Variants in MYH7B observed in about 807,000 individuals in gnomAD.
The protein encoded by MYH7B is myosin heavy chain 7B.
A neutral mutation model predicts 234.5 loss-of-function variants in MYH7B; 205 were observed. The observed-to-expected ratio is 0.87, with a 90% confidence interval of 0.78 to 0.98. The LOEUF (loss-of-function observed/expected upper bound fraction) is 0.98, where lower values mean the gene tolerates loss of function less well. Ranked by LOEUF, MYH7B falls within the 50% of genes least tolerant of loss-of-function variation. The pLI is 0.00. For missense variants in MYH7B, 2,652 were observed against 2,633.4 expected (o/e 1.01, Z -0.15); for synonymous variants, 1,193 against 1,105.0 (o/e 1.08, Z -1.58).
intron 22 of MYH7B, 193 bp downstream of exon 22, chr20:34,990,503 G>A (rs2082124714): frequency 3.5e-6 from 3 of 866,474 alleles, no homozygotes; most frequent in African/African-American, 1.6e-5. Context: ...AGGGTTTGTG[G>A]GGAAGGGGTG....
chr20:34,990,239 C>T (rs747000439), exon 22 of MYH7B: 20 of 1,614,078 alleles, frequency 1.2e-5, no homozygotes, highest in Non-Finnish European at 1.7e-5. Flanking sequence ...ATTAGCTGAG[C>T]CCCCCAAGTC....
intron 28 of MYH7B, among the ~76,000 whole-genome samples, chr20:34,995,996 A>G (rs1048620997): frequency 3.9e-5 from 6 of 152,164 alleles, no homozygotes; most frequent in African/African-American, 1.4e-4. Flanking sequence ...CACAGGAGGG[A>G]AAGTGAGGCA....
intron 10 of MYH7B, 67 bp from the exon 11 acceptor site, chr20:34,984,625 C>T (rs1424338057): frequency 1.4e-6 from 2 of 1,456,004 alleles, no homozygotes; most frequent in African/African-American, 2.8e-5. Flanking sequence ...CCGCTGATAC[C>T]CTGCCCCACC....
At chr20:35,000,486 G>C in exon 39 of MYH7B, 4 of 1,600,952 alleles carry the variant, frequency 2.5e-6, no homozygotes, top group Non-Finnish European at 3.4e-6. Context: ...ACAGCTCAAG[G>C]AGGAGCAGGC....
rs185245424 is a variant in MYH7B at position 34,962,895 on chromosome 20, C to G, written c.-222+4683C>G. Among the ~76,000 whole-genome samples the G allele has an allele frequency of 2.6e-5, 4 of 152,284 alleles. No individual in the cohort carries two copies. The East Asian group carries it at 7.7e-4, about 29-fold the overall frequency. On this transcript the variant is annotated intron_variant, in intron 2 of 44. Coordinates refer to ENST00000262873, the Ensembl canonical transcript of MYH7B. The stretch of plus-strand genomic sequence containing the variant: ...GGCAGATCACCTGAGGTCAGGAGTT[C>G]GAGACCAGCCTGGCCAACATGGCGA...
chr20:35,000,659 C>T (rs1470245807), exon 39 of MYH7B: 2 of 1,585,050 alleles, frequency 1.3e-6, no homozygotes, highest in African/African-American at 1.3e-5. Context: ...TTTTGGAGGC[C>T]ACCGAGCGCC....
At chr20:34,999,750 TCC>T (rs61644803) in intron 37 of MYH7B, 39 bp from the exon 38 acceptor site, 632,421 of 1,317,356 alleles carry the variant, frequency 0.48, 123,527 homozygotes, top group Admixed American at 0.7. Flanking sequence ...CCACTGGCCA[TCC>T]CCCCCCCCCA....
chr20:34,966,281 C>T (rs1600406531), intron 2 of MYH7B, among the ~76,000 whole-genome samples: 1 of 152,198 alleles, frequency 6.6e-6, no homozygotes, highest in African/African-American at 2.4e-5. Context: ...CGCATCCATA[C>T]ATACCATGAG....
At chr20:34,998,831 C>T (rs1227031575) in exon 35 of MYH7B, 1 of 1,613,058 alleles carries the variant, frequency 6.2e-7, no homozygotes, top group East Asian at 2.2e-5. Flanking sequence ...CGGCTGCTGT[C>T]CAAGGCCAAT....
chr20:34,969,630 C>T (rs992723581), intron 2 of MYH7B, among the ~76,000 whole-genome samples: 4 of 151,268 alleles, frequency 2.6e-5, no homozygotes, highest in South Asian at 4.2e-4. Context: ...CTGCAACCTC[C>T]GTCTCCTGGG....
rs1411355111 is a variant in MYH7B, at chr20:35,002,185, G to C, written c.5823G>C (p.Glu1941Asp). ...TATCCCTTTCTCCTCAGCACAAGGA[G>C]TGACGGCCTGACCCCCTGGGCTCTA... is the stretch of plus-strand genomic sequence containing the variant. The change falls in exon 45 of 45, where the codon GAG becomes GAC. Residue 1941 changes from glutamate (E) to aspartate (D), a missense_variant. Glu to Asp is a conservative substitution (Grantham distance 45). Coordinates refer to ENST00000262873, the Ensembl canonical transcript of MYH7B. 1.9e-6 allele frequency: 3 copies of C among 1,545,330 alleles called. No individual in the cohort carries two copies. In the Admixed American group the frequency reaches 5.5e-5, roughly 28 times the overall value.
chr20:34,992,969 C>G, intron 24 of MYH7B, 133 bp from the exon 25 acceptor site: 1 of 1,152,388 alleles, frequency 8.7e-7, no homozygotes, highest in Non-Finnish European at 1.2e-6. Context: ...AACCTCTGCA[C>G]CAGCCTCGGA....
At chr20:34,983,368 AGTTTT>A (rs71852403) in intron 10 of MYH7B, among the ~76,000 whole-genome samples, 56,417 of 118,526 alleles carry the variant, frequency 0.48, 12,019 homozygotes, top group Admixed American at 0.62. Context: ...TTTTCATTTC[AGTTTT>A]GTTTTGTTTT....
At chr20:34,969,084 C>T (rs2081769217) in intron 2 of MYH7B, among the ~76,000 whole-genome samples, 1 of 152,150 alleles carries the variant, frequency 6.6e-6, no homozygotes, top group African/African-American at 2.4e-5. Flanking sequence ...CCTCCTGGCT[C>T]ACCATTTGCT....
chr20:34,997,370 G>C, exon 32 of MYH7B: 2 of 1,525,446 alleles, frequency 1.3e-6, no homozygotes, highest in South Asian at 1.2e-5. Context: ...GGCTGGAGGA[G>C]GCAGGCGGCG....
chr20:34,978,120 G>A (rs777389657), intron 5 of MYH7B, 24 bp downstream of exon 5: 8 of 1,613,354 alleles, frequency 5.0e-6, no homozygotes, highest in South Asian at 1.1e-5. Context: ...GAGGGGGAGG[G>A]GTCATAGCCA....
intron 38 of MYH7B, 32 bp downstream of exon 38, chr20:34,999,938 CGA>C (rs1569065048): frequency 1.3e-6 from 2 of 1,582,448 alleles, no homozygotes. Flanking sequence ...CCCCACCTCC[CGA>C]GAGCAGAAGG....
At chr20:34,969,839 C>T (rs2081776649) in intron 2 of MYH7B, among the ~76,000 whole-genome samples, 2 of 152,098 alleles carry the variant, frequency 1.3e-5, no homozygotes, top group Admixed American at 1.3e-4. Context: ...GCCACCGTAC[C>T]CGGCCACAAC....
chr20:34,976,886 G>A (rs6087657), intron 3 of MYH7B, among the ~76,000 whole-genome samples: 41,976 of 152,064 alleles, frequency 0.28, 6,117 homozygotes, highest in African/African-American at 0.33. Context: ...GGCAAATCTC[G>A]CCTATGGTGA....
Sources: gnomAD v4.1 joint callset for allele counts (sites outside exome capture counted in the v4.1 genomes callset) on GRCh38, gnomAD v4.1.1 for gene constraint, MANE v1.5 for transcripts, NCBI Gene and HGNC (gene_info 2026-07-23, HGNC 2026-07-21) for gene names.